Variants in COG8 observed in about 807,000 individuals in gnomAD.
COG8 encodes conserved oligomeric Golgi complex subunit 8.
A neutral mutation model predicts 46.5 loss-of-function variants in COG8; 45 were observed. The ratio of observed to expected loss-of-function variants is 0.97; its 90% CI spans 0.76 to 1.24. The LOEUF (loss-of-function observed/expected upper bound fraction) is 1.24. Ranked by LOEUF, COG8 falls within the 50% of genes most tolerant of loss-of-function variation. COG8 has a pLI of 0.00. For synonymous variants in COG8, 407 were observed against 347.8 expected (o/e 1.17, Z -1.90); for missense variants, 793 against 820.8 (o/e 0.97, Z 0.41).
chr16:69,336,477 T>G, intron 2 of COG8, 28 bp downstream of exon 2: 1 of 1,602,916 alleles, frequency 6.2e-7, no homozygotes, highest in Non-Finnish European at 8.5e-7. Flanking sequence ...GAACATTACT[T>G]TGAGTCCTCT....
At chr16:69,330,363 C>A (rs1194142584) in intron 5 of COG8, 1 of 1,477,358 alleles carries the variant, frequency 6.8e-7, no homozygotes, top group South Asian at 1.3e-5. Flanking sequence ...GGGTCCCCGA[C>A]TTGGCACACG....
chr16:69,329,214 C>G (rs1359231977), intron 5 of COG8, 35 bp from the exon 6 acceptor site: 1 of 1,541,470 alleles, frequency 6.5e-7, no homozygotes, highest in Admixed American at 2.0e-5. Context: ...TGAGTGGGAA[C>G]AGCTGAACTG....
At chr16:69,330,530 C>A (rs2143314321) in intron 5 of COG8, 1 of 1,477,096 alleles carries the variant, frequency 6.8e-7, no homozygotes, top group Non-Finnish European at 8.9e-7. Flanking sequence ...CACGGCCGCC[C>A]ACAGTGGCCA....
chr16:69,339,288 T>A lies in COG8; in HGVS notation c.265A>T (p.Thr89Ser). The A allele has an allele frequency of 6.2e-7, 1 of 1,612,176 alleles. No individual in the cohort carries two copies. Among genetic ancestry groups the A allele is most frequent in the Non-Finnish European group, 8.5e-7 (1 of 1,179,636 alleles). Residue 89 changes from threonine (T) to serine (S), a missense_variant, in exon 1 of 6, where the codon ACC becomes TCC. Thr to Ser is a moderately conservative substitution (Grantham distance 58). Coordinates refer to ENST00000306875, the MANE Select transcript of COG8 (RefSeq NM_032382.5). Reference sequence around the variant, plus strand: ...GTGCACTCGGCGCCGCGGATGAAGGTCTTGTAGTTAGCGAAGGCCAAGTCG... The same window carrying A: ...GTGCACTCGGCGCCGCGGATGAAGGACTTGTAGTTAGCGAAGGCCAAGTCG... ...TRDLAFANYK[T>S]FIRGAECTER...
rs1245673426 is a variant in COG8, at chr16:69,330,799, G to A, written c.*26+14C>T. The stretch of plus-strand genomic sequence containing the variant: ...AGGCAGTCCTGGCCACCCCGCGCCG[G>A]GAACCTCACGCACCGCGTTCTGGAG... On this transcript the variant is annotated intron_variant, in intron 5 of 5. Transcript: ENST00000306875. 7 of 1,517,266 alleles carry A rather than the reference G, an allele frequency of 4.6e-6. No homozygotes were observed. Among genetic ancestry groups the A allele is most frequent in the Non-Finnish European group, 6.1e-6 (7 of 1,138,504 alleles). 94.0% of individuals were successfully genotyped at this position (1,517,266 alleles called of 1,614,324 possible). A position where few individuals can be genotyped will look rare whatever the true frequency, so the allele number is the denominator to read the frequency against.
In COG8 at chr16:69,336,611, T is replaced by C. The variant is rs1454299348; in HGVS notation, c.479A>G (p.Gln160Arg). Residue 160 changes from glutamine (Q) to arginine (R), a missense_variant, in exon 2 of 6, where the codon CAG becomes CGG. Physicochemically the swap from Gln to Arg is conservative, Grantham distance 43. Transcript: ENST00000306875. ...TEILEILEIP[Q>R]LMDTCVRNSY... ...GTTCCGGACACAGGTGTCCATGAGC[T>C]GAGGAATCTCCAGTATTTCCAAAAT... 1 of 1,614,104 alleles carries C rather than the reference T, an allele frequency of 6.2e-7. No homozygotes were observed. The highest frequency in any genetic ancestry group is 8.5e-7 in the Non-Finnish European group (1 of 1,180,044).
rs1965653521 is a variant in COG8 at position 69,327,936 on chromosome 16, AAAAG to A, written c.*1266_*1269del. The stretch of plus-strand genomic sequence containing the variant: ...ACTTTTTTTTTTTGAGACAGAGAAA[AAAAG>A]AAAACTCTACAGCCAGAATCATACT... On this transcript the variant is annotated 3_prime_UTR_variant, in exon 6 of 6. Coordinates refer to ENST00000306875, the MANE Select transcript of COG8 (RefSeq NM_032382.5). 1 of 152,094 alleles carries A rather than the reference AAAAG, an allele frequency of 6.6e-6. No individual in the cohort carries two copies. The highest frequency in any genetic ancestry group is 2.4e-5 in the African/African-American group (1 of 41,432). The allele number at this position is 152,094 out of a possible 1,614,324, so 9.4% of individuals were successfully genotyped here.
chr16:69,335,339 T>C lies in COG8; in HGVS notation c.595A>G (p.Asn199Asp). 2 of 1,596,316 alleles carry C rather than the reference T, an allele frequency of 1.3e-6. No individual in the cohort carries two copies. The highest frequency in any genetic ancestry group is 1.7e-6 in the Non-Finnish European group (2 of 1,175,500). ...AGCTGCATGGACTGGCGCACTTCGT[T>C]CACGATGCCCTGACAATACACAGAG... ...SSIPVIQGIV[N>D]EVRQSMQLML... The change falls in exon 3 of 6, where the codon AAC becomes GAC. Residue 199 changes from asparagine to aspartate, a missense_variant. Asn to Asp is a conservative substitution (Grantham distance 23). Coordinates refer to ENST00000306875, the MANE Select transcript of COG8 (RefSeq NM_032382.5).
chr16:69,334,528 A>C lies in COG8; in HGVS notation c.1406T>G (p.Leu469Arg). The stretch of plus-strand genomic sequence containing the variant: ...CCAACAGAATGTGCTCACCTTGGCA[A>C]GGGCATCTTCCAAGGCCCCAGTCAC... ...QDVTGALEDA[L>R]AKVTKIILAF... Residue 469 changes from leucine (L) to arginine (R), a missense_variant, in exon 3 of 6, where the codon CTT (leucine) becomes CGT (arginine). Transcript: ENST00000306875. The C allele has an allele frequency of 6.2e-7, 1 of 1,613,980 alleles. No individual in the cohort carries two copies. The highest frequency in any genetic ancestry group is 1.7e-5 in the Admixed American group (1 of 60,028).
At chr16:69,339,028 G>A (rs960035635) in intron 1 of COG8, 148 bp downstream of exon 1, 1 of 1,081,684 alleles carries the variant, frequency 9.2e-7, no homozygotes, top group Non-Finnish European at 1.4e-6. Flanking sequence ...TACCTATCTC[G>A]AAGGCTGTTG....
chr16:69,333,589 G>C (rs2012021316), intron 3 of COG8, among the ~76,000 whole-genome samples: 1 of 152,154 alleles, frequency 6.6e-6, no homozygotes, highest in African/African-American at 2.4e-5. Context: ...AGAACCACTG[G>C]AAAACTGTAA....
intron 5 of COG8, chr16:69,330,410 C>T: frequency 1.4e-6 from 2 of 1,478,400 alleles, no homozygotes; most frequent in East Asian, 5.9e-5. Context: ...CAGCACCAGA[C>T]GCCTCAGGTG....
At chr16:69,332,958 AAAAT>A in intron 3 of COG8, 76 bp from the exon 4 acceptor site, 1 of 1,374,350 alleles carries the variant, frequency 7.3e-7, no homozygotes, top group Non-Finnish European at 1.0e-6. Context: ...ACTAGGCAAA[AAAAT>A]GTATGCCCCT....
At position 69,336,664 on chromosome 16, in the gene COG8, A is replaced by C. The variant is rs372270200; in HGVS notation, c.426T>G (p.Asn142Lys). The stretch of plus-strand genomic sequence containing the variant: ...CTGTGTGCCGGTTTAGGGTCAGGCT[A>C]TTCATCCGGCGGTTGGAGCTGATCT... ...AEEISSNRRM[N>K]SLTLNRHTEI... Residue 142 changes from asparagine to lysine, a missense_variant, in exon 2 of 6, where the codon AAT becomes AAG. Coordinates refer to ENST00000306875, the MANE Select transcript of COG8 (RefSeq NM_032382.5). The C allele has an allele frequency of 6.2e-7, 1 of 1,614,120 alleles. No homozygotes were observed. The highest frequency in any genetic ancestry group is 8.5e-7 in the Non-Finnish European group (1 of 1,180,012).
chr16:69,331,026 G>A lies in COG8; in HGVS notation c.1652C>T (p.Pro551Leu), dbSNP rs1382154783. 1 of 1,613,510 alleles carries A rather than the reference G, an allele frequency of 6.2e-7. No individual in the cohort carries two copies. Among genetic ancestry groups the A allele is most frequent in the Non-Finnish European group, 8.5e-7 (1 of 1,179,896 alleles). Reference protein sequence around the residue: ...GHVNIGAIQEPLAFILPKRET... With the variant: ...GHVNIGAIQELLAFILPKRET... Reference sequence around the variant, plus strand: ...TCTCTTTGGCAGGATAAAGGCGAGGGGCTCCTGAATGGCGCCGATGTTCAC... The same window carrying A: ...TCTCTTTGGCAGGATAAAGGCGAGGAGCTCCTGAATGGCGCCGATGTTCAC... The change falls in exon 5 of 6, where the codon CCC becomes CTC. Residue 551 changes from proline to leucine, a missense_variant. Transcript: ENST00000306875.
intron 4 of COG8, among the ~76,000 whole-genome samples, 185 bp from the exon 5 acceptor site, chr16:69,331,280 C>G (rs1270382784): frequency 6.6e-6 from 1 of 151,628 alleles, no homozygotes; most frequent in Admixed American, 6.6e-5. Flanking sequence ...CGGAGAAATC[C>G]CATCTCTCTT....
intron 2 of COG8, among the ~76,000 whole-genome samples, chr16:69,335,806 ACT>A (rs1267216955): frequency 6.9e-6 from 1 of 145,778 alleles, no homozygotes; most frequent in Non-Finnish European, 1.5e-5. Flanking sequence ...ACAGAGCGAG[ACT>A]CTGTCTCAAA....
chr16:69,338,176 A>C (rs2012310660), intron 1 of COG8: 1 of 152,144 alleles, frequency 6.6e-6, no homozygotes, highest in Non-Finnish European at 1.5e-5. Context: ...TCCCGGGCCC[A>C]ACTGACCCCC....
intron 5 of COG8, chr16:69,330,460 G>C: frequency 6.8e-7 from 1 of 1,471,746 alleles, no homozygotes; most frequent in South Asian, 1.3e-5. Flanking sequence ...CCTCGACGCC[G>C]TCCGGGGCGG....
Sources: allele counts gnomAD v4.1 joint callset (sites outside exome capture counted in the v4.1 genomes callset), GRCh38; gene constraint gnomAD v4.1.1; transcripts MANE v1.5; gene names NCBI Gene and HGNC (gene_info 2026-07-23, HGNC 2026-07-21).